Variants in GPHN observed in about 807,000 individuals in gnomAD.
GPHN encodes gephyrin.
In GPHN, 17 loss-of-function variants were observed where a neutral mutation model predicts 95.5. The observed-to-expected ratio is 0.18, with a 90% confidence interval of 0.12 to 0.27. The LOEUF (loss-of-function observed/expected upper bound fraction) is 0.27, where lower values mean the gene tolerates loss of function less well. GPHN is among the 10% of genes least tolerant of loss of function. The pLI is 1.00. For missense variants in GPHN, 660 were observed against 978.1 expected (o/e 0.67, Z 4.34); for synonymous variants, 320 against 322.5 (o/e 0.99, Z 0.08).
At chr14:66,777,351 A>T (rs1436815760) in intron 3 of GPHN, among the ~76,000 whole-genome samples, 1 of 152,204 alleles carries the variant, frequency 6.6e-6, no homozygotes, top group Non-Finnish European at 1.5e-5. Context: ...AACCAAAAAG[A>T]GTCCAGGACC....
intron 1 of GPHN, among the ~76,000 whole-genome samples, chr14:66,570,977 T>C (rs1025696931): frequency 6.6e-6 from 1 of 152,214 alleles, no homozygotes; most frequent in South Asian, 2.1e-4. Flanking sequence ...TCTTGCTCTT[T>C]AGTAGTTTGA....
At chr14:67,548,530 T>C in the GPHN span, among the ~76,000 whole-genome samples, 1 of 152,128 alleles carries the variant, frequency 6.6e-6, no homozygotes, top group Non-Finnish European at 1.5e-5. Context: ...AAACCCCGTC[T>C]CTACTAAAAA....
intron 6 of GPHN, 92 bp from the exon 7 acceptor site, chr14:66,922,574 A>G (rs775343201): frequency 5.8e-4 from 592 of 1,015,206 alleles, no homozygotes; most frequent in Non-Finnish European, 5.9e-4. Flanking sequence ...GGAAAATGCA[A>G]ATCCAAAATC....
the GPHN span, among the ~76,000 whole-genome samples, chr14:67,402,260 A>G: frequency 1.3e-5 from 2 of 152,194 alleles, no homozygotes; most frequent in Non-Finnish European, 2.9e-5. Context: ...GCATTGATGT[A>G]ATTTTTACTT....
the GPHN span, chr14:67,649,059 A>G: frequency 6.6e-6 from 1 of 152,184 alleles, no homozygotes; most frequent in Non-Finnish European, 1.5e-5. Context: ...CAGATCTGCA[A>G]TCTTAGATGT....
At chr14:66,520,893 G>T (rs770369560) in intron 1 of GPHN, among the ~76,000 whole-genome samples, 1 of 151,714 alleles carries the variant, frequency 6.6e-6, no homozygotes. Flanking sequence ...AGTGTCTGTC[G>T]TTCCCTTCTT....
chr14:67,517,029 G>A, the GPHN span, among the ~76,000 whole-genome samples: 1 of 152,190 alleles, frequency 6.6e-6, no homozygotes, highest in Non-Finnish European at 1.5e-5. Flanking sequence ...TGGATAACAG[G>A]AAAACTTGTT....
chr14:67,665,555 C>T, the GPHN span, among the ~76,000 whole-genome samples: 1 of 152,106 alleles, frequency 6.6e-6, no homozygotes, highest in Non-Finnish European at 1.5e-5. Flanking sequence ...GTGTGAGCCA[C>T]CACACCTGTC....
intron 10 of GPHN, among the ~76,000 whole-genome samples, chr14:67,026,922 G>A (rs567090694): frequency 1.3e-5 from 2 of 152,280 alleles, no homozygotes; most frequent in Admixed American, 6.5e-5. Context: ...GATTACAGGC[G>A]TGAGCCACCG....
chr14:67,573,391 G>C, the GPHN span: 3 of 1,534,090 alleles, frequency 2.0e-6, no homozygotes, highest in Non-Finnish European at 2.7e-6. The surrounding 1 kb of genome is among the most constrained non-coding windows in gnomAD (Gnocchi z 4.8). Context: ...TCCCCGGTGA[G>C]AGTCTCCCCG....
chr14:67,288,793 A>G, the GPHN span, among the ~76,000 whole-genome samples: 1 of 152,102 alleles, frequency 6.6e-6, no homozygotes, highest in Non-Finnish European at 1.5e-5. Flanking sequence ...GATTCTGGCT[A>G]TCCCTCAGCT....
chr14:67,486,328 G>A, the GPHN span, among the ~76,000 whole-genome samples: 306 of 152,356 alleles, frequency 2.0e-3, no homozygotes, highest in Non-Finnish European at 3.5e-3. Flanking sequence ...AGGCTGGGGT[G>A]CAATGGCACG....
intron 1 of GPHN, among the ~76,000 whole-genome samples, chr14:66,608,460 T>C (rs1454416336): frequency 6.6e-6 from 1 of 152,094 alleles, no homozygotes; most frequent in Non-Finnish European, 1.5e-5. Context: ...ATGTATATTA[T>C]GTGATTTTGG....
At chr14:67,085,138 T>C (rs1037615913) in intron 11 of GPHN, among the ~76,000 whole-genome samples, 7 of 152,248 alleles carry the variant, frequency 4.6e-5, no homozygotes, top group African/African-American at 1.7e-4. Context: ...GGTTATTTTT[T>C]AGTATTTATG....
intron 3 of GPHN, among the ~76,000 whole-genome samples, chr14:66,785,296 G>A (rs1345303898): frequency 1.3e-5 from 2 of 152,194 alleles, no homozygotes; most frequent in Admixed American, 6.5e-5. Flanking sequence ...AACCGGGGAG[G>A]TGGAGGTTGC....
At chr14:66,777,094 AAAG>A (rs1194251752) in intron 3 of GPHN, among the ~76,000 whole-genome samples, 3 of 152,072 alleles carry the variant, frequency 2.0e-5, no homozygotes, top group African/African-American at 2.4e-5. Flanking sequence ...AAAAAAAAAA[AAAG>A]AGAGAAGAAT....
chr14:67,446,264 C>T, the GPHN span, among the ~76,000 whole-genome samples: 2 of 152,210 alleles, frequency 1.3e-5, no homozygotes, highest in African/African-American at 4.8e-5. Context: ...GGTCCACCTG[C>T]CCCAAGAGCA....
At chr14:67,109,594 A>G (rs1327089996) in intron 13 of GPHN, among the ~76,000 whole-genome samples, 1 of 152,220 alleles carries the variant, frequency 6.6e-6, no homozygotes, top group African/African-American at 2.4e-5. Context: ...CTCAACCTCT[A>G]TTATTAATTG....
chr14:66,914,531 T>C (rs903156752), intron 5 of GPHN, among the ~76,000 whole-genome samples: 1 of 152,120 alleles, frequency 6.6e-6, no homozygotes, highest in Non-Finnish European at 1.5e-5. Context: ...ACTATATTTG[T>C]CTTTCCTTCA....
Sources: gnomAD v4.1 joint callset for allele counts (sites outside exome capture counted in the v4.1 genomes callset) on GRCh38, gnomAD v4.1.1 for gene constraint, Gnocchi (gnomAD v3.1) non-coding constraint, MANE v1.5 for transcripts, NCBI Gene and HGNC (gene_info 2026-07-23, HGNC 2026-07-21) for gene names.